Variants in RABGAP1L observed in about 807,000 individuals in gnomAD.
RABGAP1L encodes the protein RAB GTPase activating protein 1 like.
RABGAP1L carries 63 observed loss-of-function variants against 137.7 expected under a neutral mutation model. The observed-to-expected ratio is 0.46, with a 90% CI of 0.37 to 0.56. The LOEUF is 0.56. Among genes scored for constraint, RABGAP1L ranks in the 20% least tolerant of loss-of-function variants. The pLI is 0.00. For synonymous variants in RABGAP1L, 431 were observed against 433.7 expected, an observed-to-expected ratio of 0.99 and a Z score of 0.08; for missense variants, 1,095 against 1,244.0, an observed-to-expected ratio of 0.88 and a Z score of 1.80.
chr1:174,200,503 C>A (rs1668020531), intron 1 of RABGAP1L, among the ~76,000 whole-genome samples: 1 of 152,140 alleles, frequency 6.6e-6, no homozygotes, highest in Non-Finnish European at 1.5e-5. Context: ...TTGCCATAAA[C>A]CTATAGAATA....
At chr1:174,436,383 A>G (rs1653304254) in intron 13 of RABGAP1L, among the ~76,000 whole-genome samples, 1 of 151,976 alleles carries the variant, frequency 6.6e-6, no homozygotes. Flanking sequence ...TGTGGTTTTG[A>G]TTTGCATTTC....
At chr1:174,295,091 G>A (rs1373274838) in intron 10 of RABGAP1L, among the ~76,000 whole-genome samples, 1 of 151,294 alleles carries the variant, frequency 6.6e-6, no homozygotes, top group East Asian at 2.0e-4. Flanking sequence ...GCTAATTTTT[G>A]TATTTTTAGT....
intron 17 of RABGAP1L, among the ~76,000 whole-genome samples, chr1:174,741,045 G>T (rs11577343): frequency 0.011 from 1,369 of 119,750 alleles, 23 homozygotes; most frequent in African/African-American, 0.031. Context: ...TTTTTGTTTT[G>T]TTTTTTTTTT....
At chr1:174,526,195 T>C (rs1384265627) in intron 13 of RABGAP1L, among the ~76,000 whole-genome samples, 1 of 152,184 alleles carries the variant, frequency 6.6e-6, no homozygotes, top group Non-Finnish European at 1.5e-5. Context: ...GATGAATAGT[T>C]TGCAAATATT....
intron 17 of RABGAP1L, among the ~76,000 whole-genome samples, chr1:174,712,080 G>GC (rs1392354183): frequency 2.0e-5 from 3 of 152,132 alleles, no homozygotes; most frequent in Non-Finnish European, 4.4e-5. Context: ...TTGTAAACAC[G>GC]CCAGTCAGCA....
At chr1:174,163,199 T>C (rs532265334) in intron 1 of RABGAP1L, among the ~76,000 whole-genome samples, 1 of 152,184 alleles carries the variant, frequency 6.6e-6, no homozygotes, top group African/African-American at 2.4e-5. Context: ...ATTGTTTGAC[T>C]CCTAGACTTT....
chr1:174,762,615 A>C (rs574571151), intron 18 of RABGAP1L, among the ~76,000 whole-genome samples: 1 of 152,150 alleles, frequency 6.6e-6, no homozygotes, highest in Non-Finnish European at 1.5e-5. Context: ...GTTAATCTCT[A>C]TGTGGGGTCT....
intron 18 of RABGAP1L, among the ~76,000 whole-genome samples, chr1:174,811,349 T>C (rs1268276755): frequency 1.3e-5 from 2 of 152,238 alleles, no homozygotes; most frequent in Non-Finnish European, 2.9e-5. Context: ...GAACTGCTGC[T>C]GTCATTAGTT....
At chr1:174,435,749 C>T (rs908843386) in intron 13 of RABGAP1L, among the ~76,000 whole-genome samples, 3 of 151,618 alleles carry the variant, frequency 2.0e-5, no homozygotes, top group Non-Finnish European at 2.9e-5. Context: ...TGGTGTGCTG[C>T]ACCCATTAAC....
intron 11 of RABGAP1L, among the ~76,000 whole-genome samples, chr1:174,331,626 A>C (rs1181359061): frequency 6.6e-6 from 1 of 152,202 alleles, no homozygotes; most frequent in Non-Finnish European, 1.5e-5. Flanking sequence ...AAAAACACAC[A>C]AAAAATGTTA....
At chr1:174,373,944 C>T (rs1237004354) in intron 12 of RABGAP1L, among the ~76,000 whole-genome samples, 1 of 151,966 alleles carries the variant, frequency 6.6e-6, no homozygotes, top group East Asian at 1.9e-4. Flanking sequence ...TCTCATTTAC[C>T]CATTTATCTG....
intron 13 of RABGAP1L, among the ~76,000 whole-genome samples, chr1:174,496,980 CTCAG>C (rs1161010694): frequency 2.4e-4 from 36 of 152,070 alleles, no homozygotes; most frequent in African/African-American, 8.2e-4. Flanking sequence ...TCTTGAATGT[CTCAG>C]TCATTGTGTA....
chr1:174,273,406 TG>T (rs1674717720), intron 8 of RABGAP1L, among the ~76,000 whole-genome samples: 1 of 152,064 alleles, frequency 6.6e-6, no homozygotes, highest in South Asian at 2.1e-4. Context: ...CATGGTCTTG[TG>T]GGAAACAAAC....
intron 7 of RABGAP1L, among the ~76,000 whole-genome samples, chr1:174,270,626 C>A (rs12073453): frequency 0.047 from 7,048 of 151,562 alleles, 516 homozygotes; most frequent in African/African-American, 0.16. Flanking sequence ...CTTTTTCTGC[C>A]TTAAAAAATA....
At chr1:174,304,768 C>T (rs183310687) in intron 10 of RABGAP1L, among the ~76,000 whole-genome samples, 96 of 152,246 alleles carry the variant, frequency 6.3e-4, no homozygotes, top group Non-Finnish European at 4.9e-4. Flanking sequence ...TAGTAGGTTT[C>T]ATCATATTAG....
chr1:174,723,450 T>G (rs1341774484), intron 17 of RABGAP1L, among the ~76,000 whole-genome samples: 1 of 152,198 alleles, frequency 6.6e-6, no homozygotes, highest in African/African-American at 2.4e-5. Flanking sequence ...CTGAGAGTAG[T>G]GATATGTTGG....
chr1:174,716,888 G>A (rs1681065331), intron 17 of RABGAP1L, among the ~76,000 whole-genome samples: 1 of 152,068 alleles, frequency 6.6e-6, no homozygotes, highest in Non-Finnish European at 1.5e-5. Context: ...TAAAGCACCT[G>A]GTAGTTTGTT....
intron 16 of RABGAP1L, among the ~76,000 whole-genome samples, chr1:174,700,187 C>T (rs1237273995): frequency 6.6e-6 from 1 of 152,102 alleles, no homozygotes; most frequent in Non-Finnish European, 1.5e-5. Context: ...AACATGCATC[C>T]TTTTATATAT....
intron 19 of RABGAP1L, among the ~76,000 whole-genome samples, chr1:174,840,527 G>C (rs909266760): frequency 2.0e-5 from 3 of 151,566 alleles, no homozygotes; most frequent in African/African-American, 7.3e-5. Context: ...AAGAAAGCGG[G>C]GGTGCTGGGC....
Sources: allele counts gnomAD v4.1 joint callset (sites outside exome capture counted in the v4.1 genomes callset), GRCh38; gene constraint gnomAD v4.1.1; transcripts MANE v1.5; gene names NCBI Gene and HGNC (gene_info 2026-07-23, HGNC 2026-07-21).